The following RSPH9 variants were observed in gnomAD, a reference collection of about 807,000 sequenced individuals.
RSPH9 encodes the protein radial spoke head component 9, also known as radial spoke head protein 9 homolog.
A neutral mutation model predicts 27.0 loss-of-function variants in RSPH9; 27 were observed. That is an observed-to-expected ratio of 1.00 (90% CI 0.74 to 1.38). RSPH9 has a LOEUF of 1.38. RSPH9 is among the 40% of genes most tolerant of loss of function. The probability of loss-of-function intolerance (pLI) is 0.00; values close to 1 mark genes in which losing one functional copy is unlikely to be tolerated. For missense variants in RSPH9, 347 were observed against 357.4 expected (o/e 0.97, Z 0.24); for synonymous variants, 145 against 147.7 (o/e 0.98, Z 0.13).
Position 43,656,700 on chromosome 6 carries a change from C to G in RSPH9, c.647C>G (p.Ser216Cys). The change falls in exon 4 of 5, where the codon TCC becomes TGC. Residue 216 changes from serine (S) to cysteine (C), a missense_variant. Transcript: ENST00000372163. ...DLDPSLDFMD[S>C]LEHDIPKGSW... Reference sequence around the variant, plus strand: ...GACCCCTCCCTGGATTTCATGGACTCCTTGGAGCATGACATTCCCAAAGGT... The same window carrying G: ...GACCCCTCCCTGGATTTCATGGACTGCTTGGAGCATGACATTCCCAAAGGT... The G allele has an allele frequency of 6.2e-7, 1 of 1,614,198 alleles. No homozygotes were observed.
In RSPH9 at chr6:43,671,972, A is replaced by C; in HGVS notation, c.*1023A>C. ...GCCCAAGCTGGACGTGGGAGAGTGGAGCACTACCTCCTCAGGCCAGGCCAC... is the reference window on the plus strand; with the variant it reads ...GCCCAAGCTGGACGTGGGAGAGTGGCGCACTACCTCCTCAGGCCAGGCCAC... On this transcript the variant is annotated 3_prime_UTR_variant, in exon 5 of 5. Transcript: ENST00000372163. 1.3e-6 allele frequency: 2 copies of C among 1,488,198 alleles called. No individual in the cohort carries two copies. Among genetic ancestry groups the C allele is most frequent in the Non-Finnish European group, 1.8e-6 (2 of 1,114,054 alleles). 92.2% of individuals were successfully genotyped at this position (1,488,198 alleles called of 1,614,324 possible).
At chr6:43,648,859 T>A (rs1470284584) in intron 1 of RSPH9, among the ~76,000 whole-genome samples, 1 of 151,756 alleles carries the variant, frequency 6.6e-6, no homozygotes, top group Non-Finnish European at 1.5e-5. Context: ...TGAGAATGGG[T>A]CCCTGGAAAT....
intron 1 of RSPH9, 94 bp downstream of exon 1, chr6:43,645,419 A>G (rs1004495876): frequency 1.6e-5 from 13 of 820,954 alleles, no homozygotes; most frequent in African/African-American, 3.8e-5. Context: ...GGCGGGGCCC[A>G]TGGGGCCAAG....
At chr6:43,652,336 T>C (rs1771565139) in intron 2 of RSPH9, among the ~76,000 whole-genome samples, 1 of 151,106 alleles carries the variant, frequency 6.6e-6, no homozygotes, top group African/African-American at 2.4e-5. Flanking sequence ...AATGGCAGCA[T>C]GTTATACACA....
intron 1 of RSPH9, among the ~76,000 whole-genome samples, chr6:43,646,389 C>G (rs1184206749): frequency 6.6e-6 from 1 of 151,946 alleles, no homozygotes; most frequent in South Asian, 2.1e-4. Context: ...CCGCCTCAGC[C>G]TCCCAAAGTG....
Position 43,645,333 on chromosome 6 carries a change from G to A in RSPH9, c.227+8G>A. 1 of 1,417,152 alleles carries A rather than the reference G, an allele frequency of 7.1e-7. No individual in the cohort carries two copies. Among genetic ancestry groups the A allele is most frequent in the Non-Finnish European group, 9.5e-7 (1 of 1,056,938 alleles). 87.8% of individuals were successfully genotyped at this position (1,417,152 alleles called of 1,614,324 possible). On this transcript the variant is annotated splice_region_variant and intron_variant, in intron 1 of 4. Transcript: ENST00000372163. ...GCGCAAGACGCTCTATAGGTGAGGA[G>A]GCCCCCGGGACGGGCTCCCCAGAGG...
intron 4 of RSPH9, among the ~76,000 whole-genome samples, chr6:43,663,152 G>A (rs2127923508): frequency 6.6e-6 from 1 of 152,224 alleles, no homozygotes; most frequent in East Asian, 1.9e-4. Context: ...TCTAGCTTTT[G>A]ATTTAAAGTG....
rs188039940 is a variant in RSPH9 at position 43,650,734 on chromosome 6, G to A, written c.393+194G>A. 8.9e-4 allele frequency among the ~76,000 whole-genome samples: 136 copies of A among 151,956 alleles called. 1 individual carries two copies. Among genetic ancestry groups the A allele is most frequent in the Non-Finnish European group, 1.5e-3 (104 of 67,956 alleles). On this transcript the variant is annotated intron_variant, in intron 2 of 4. Coordinates refer to ENST00000372163, the MANE Select transcript of RSPH9 (RefSeq NM_152732.5). ...ATCCTGGCTAACACAGTGAAACCCC[G>A]TCTCTACTACAAATACAAAAAATTA... is the stretch of plus-strand genomic sequence containing the variant.
Position 43,655,671 on chromosome 6 carries a change from A to C in RSPH9, c.503A>C (p.His168Pro), listed in dbSNP as rs1174484898. The change falls in exon 3 of 5, where the codon CAT (histidine) becomes CCT (proline). Residue 168 changes from histidine to proline, a missense_variant. By Grantham distance (77) the His-to-Pro change is moderately conservative (BLOSUM62 -2). Transcript: ENST00000372163. ...TTCAAGACCCCTTTTGGACCCACCC[A>C]TGTCAATCGGACCTTTGAAGGTGAG... is the stretch of plus-strand genomic sequence containing the variant. Reference protein sequence around the residue: ...ALFKTPFGPTHVNRTFEGLSL... With the variant: ...ALFKTPFGPTPVNRTFEGLSL... 6.2e-7 allele frequency: 1 copy of C among 1,614,084 alleles called. No homozygotes were observed. Among genetic ancestry groups the C allele is most frequent in the Non-Finnish European group, 8.5e-7 (1 of 1,180,034 alleles).
intron 4 of RSPH9, chr6:43,666,331 C>A: frequency 1.9e-6 from 2 of 1,056,242 alleles, no homozygotes; most frequent in Non-Finnish European, 2.8e-6. Flanking sequence ...GGCCAAAATC[C>A]CAAGGAAGAG....
intron 4 of RSPH9, among the ~76,000 whole-genome samples, chr6:43,665,414 G>A (rs938447710): frequency 8.5e-5 from 13 of 152,246 alleles, no homozygotes; most frequent in African/African-American, 3.1e-4. Flanking sequence ...CAAGGTGGCA[G>A]AATCGCTTGA....
Position 43,670,965 on chromosome 6 carries a change from G to C in RSPH9, c.*16G>C, listed in dbSNP as rs1773667537. On this transcript the variant is annotated 3_prime_UTR_variant, in exon 5 of 5. Coordinates refer to ENST00000372163, the MANE Select transcript of RSPH9 (RefSeq NM_152732.5). ...CATGCTATAGAATGGGAGCCAGCCT[G>C]GATGTTTTTAAACAGAGTCTAAACA... 6.2e-7 allele frequency: 1 copy of C among 1,613,980 alleles called. No homozygotes were observed. Among genetic ancestry groups the C allele is most frequent in the Non-Finnish European group, 8.5e-7 (1 of 1,180,030 alleles).
At chr6:43,651,073 G>T (rs1771420486) in intron 2 of RSPH9, among the ~76,000 whole-genome samples, 1 of 151,922 alleles carries the variant, frequency 6.6e-6, no homozygotes, top group African/African-American at 2.4e-5. Flanking sequence ...AGGAGTGCAG[G>T]CATGAGCCAG....
intron 3 of RSPH9, among the ~76,000 whole-genome samples, chr6:43,656,221 G>T (rs79193988): frequency 5.9e-5 from 9 of 151,956 alleles, no homozygotes; most frequent in Admixed American, 1.3e-4. Context: ...GAGTAGCTGG[G>T]ATTACAGACA....
intron 4 of RSPH9, among the ~76,000 whole-genome samples, chr6:43,659,849 C>A (rs1442474480): frequency 6.6e-6 from 1 of 152,076 alleles, no homozygotes; most frequent in Non-Finnish European, 1.5e-5. Context: ...TCTCCTGCCT[C>A]AGCCTCCTGA....
rs373236553 is a variant in RSPH9, at chr6:43,656,630, C to A, written c.577C>A (p.Pro193Thr). ...KLSSYFHFRE[P>T]VELKNKTLLE... Reference sequence around the variant, plus strand: ...CAGCTCCTACTTCCATTTCAGGGAGCCTGTTGAGCTAAAGAATAAGACCTT... The same window carrying A: ...CAGCTCCTACTTCCATTTCAGGGAGACTGTTGAGCTAAAGAATAAGACCTT... Residue 193 changes from proline to threonine, a missense_variant, in exon 4 of 5, where the codon CCT (proline) becomes ACT (threonine). Coordinates refer to ENST00000372163, the MANE Select transcript of RSPH9 (RefSeq NM_152732.5). 2.5e-6 allele frequency: 4 copies of A among 1,613,998 alleles called. No individual in the cohort carries two copies. The highest frequency in any genetic ancestry group is 1.3e-5 in the African/African-American group (1 of 74,912).
At chr6:43,663,903 C>A (rs1271368530) in intron 4 of RSPH9, among the ~76,000 whole-genome samples, 1 of 151,780 alleles carries the variant, frequency 6.6e-6, no homozygotes, top group African/African-American at 2.4e-5. Flanking sequence ...AGTGTGCACA[C>A]CTGTAGTCCC....
intron 2 of RSPH9, among the ~76,000 whole-genome samples, chr6:43,652,920 G>A (rs1044111481): frequency 6.6e-6 from 1 of 152,168 alleles, no homozygotes; most frequent in Non-Finnish European, 1.5e-5. Flanking sequence ...CTGGGCTCAA[G>A]TGATCCTCCA....
At chr6:43,653,781 C>G (rs1163295621) in intron 2 of RSPH9, among the ~76,000 whole-genome samples, 1 of 152,130 alleles carries the variant, frequency 6.6e-6, no homozygotes, top group Non-Finnish European at 1.5e-5. Context: ...CAACCTCCGC[C>G]TCCCGGATTC....
Sources: allele counts gnomAD v4.1 joint callset (sites outside exome capture counted in the v4.1 genomes callset), GRCh38; gene constraint gnomAD v4.1.1; transcripts MANE v1.5; gene names NCBI Gene and HGNC (gene_info 2026-07-23, HGNC 2026-07-21).